SEMA4G: variants seen among roughly 807,000 people sequenced by gnomAD.
The protein encoded by SEMA4G is semaphorin 4G.
In SEMA4G, 59 loss-of-function variants were observed where a neutral mutation model predicts 81.2. The observed-to-expected ratio is 0.73, with a 90% CI of 0.59 to 0.90. The LOEUF is 0.90. SEMA4G is among the 40% of genes least tolerant of loss of function. The probability of loss-of-function intolerance (pLI) is 0.00; values close to 1 mark genes in which losing one functional copy is unlikely to be tolerated. For missense variants in SEMA4G, 952 were observed against 1,102.3 expected, an observed-to-expected ratio of 0.86 and a Z score of 1.93; for synonymous variants, 404 against 433.9, an observed-to-expected ratio of 0.93 and a Z score of 0.86.
In SEMA4G at chr10:100,983,427, G is replaced by A. The variant is rs137971825; in HGVS notation, c.1813G>A (p.Asp605Asn). 4 of 1,613,612 alleles carry A rather than the reference G, an allele frequency of 2.5e-6. No homozygotes were observed. The highest frequency in any genetic ancestry group is 3.4e-6 in the Non-Finnish European group (4 of 1,179,858). Reference sequence around the variant, plus strand: ...ACTCAATGGGAGCATGGGCCTGAGCGATGGGCAGGGTGGCTACCGTGTGGG... The same window carrying A: ...ACTCAATGGGAGCATGGGCCTGAGCAATGGGCAGGGTGGCTACCGTGTGGG... The change falls in exon 14 of 14, where the codon GAT (aspartate) becomes AAT (asparagine). Residue 605 changes from aspartate (D) to asparagine (N), a missense_variant. By Grantham distance (23) the Asp-to-Asn change is conservative. Around this residue, in one of 3 missense-constraint regions of SEMA4G, gnomAD observed 385 missense variants for 413.5 expected, o/e 0.93. Coordinates refer to ENST00000370250, the Ensembl canonical transcript of SEMA4G.
chr10:100,975,196 G>A, intron 3 of SEMA4G: 1 of 369,556 alleles, frequency 2.7e-6, no homozygotes, highest in Non-Finnish European at 5.4e-6. Flanking sequence ...TGATACTTTA[G>A]AGGCTCTAAC....
chr10:100,985,003 G>A, downstream of SEMA4G: 1 of 1,232,862 alleles, frequency 8.1e-7, no homozygotes, highest in South Asian at 1.6e-5. Flanking sequence ...CTCCCTTGCT[G>A]TCTTGGACCT....
exon 11 of SEMA4G, chr10:100,980,607 C>G (rs781235374): frequency 1.9e-6 from 3 of 1,614,202 alleles, no homozygotes; most frequent in Non-Finnish European, 2.5e-6. Context: ...GGCCGTAGTC[C>G]TGGGCTCTGG....
exon 5 of SEMA4G, chr10:100,978,347 G>A (rs758664453): frequency 4.8e-5 from 77 of 1,613,626 alleles, no homozygotes; most frequent in Non-Finnish European, 6.4e-5. Flanking sequence ...AAGGAGAAGT[G>A]TCCTTATGAC....
Position 100,983,287 on chromosome 10 carries a change from C to G in SEMA4G, c.1691-18C>G, listed in dbSNP as rs772048733. On this transcript the variant is annotated intron_variant, in intron 13 of 13. Transcript: ENST00000370250. ...TCCTGGGACGGGCTGGTACTGACCT[C>G]TCCCCCAAACCCCACAGGGCCACCA... 7 of 1,509,846 alleles carry G rather than the reference C, an allele frequency of 4.6e-6. No individual in the cohort carries two copies. The highest frequency in any genetic ancestry group is 5.3e-6 in the Non-Finnish European group (6 of 1,124,772). 93.5% of individuals were successfully genotyped at this position (1,509,846 alleles called of 1,614,324 possible).
chr10:100,984,228 C>T, exon 14 of SEMA4G: 1 of 1,473,836 alleles, frequency 6.8e-7, no homozygotes. Flanking sequence ...TTCATTACCC[C>T]CACTCCATAC....
At chr10:100,980,767 T>C in intron 11 of SEMA4G, 55 bp from the exon 13 acceptor site, 1 of 1,603,032 alleles carries the variant, frequency 6.2e-7, no homozygotes, top group East Asian at 2.2e-5. Context: ...GGGCAGAGGC[T>C]GTGTATCTGT....
chr10:100,970,282 G>A (rs1850593213), upstream of SEMA4G, among the ~76,000 whole-genome samples: 1 of 152,056 alleles, frequency 6.6e-6, no homozygotes, highest in Non-Finnish European at 1.5e-5. Context: ...GAAGGGAGGG[G>A]TGATATGCTC....
chr10:100,972,853 C>A, exon 1 of SEMA4G: 1 of 1,557,358 alleles, frequency 6.4e-7, no homozygotes, highest in South Asian at 1.2e-5. Flanking sequence ...TTCCCCGCCC[C>A]CACAACCTGT....
chr10:100,977,188 C>T (rs1029819369), intron 3 of SEMA4G, among the ~76,000 whole-genome samples: 2 of 152,170 alleles, frequency 1.3e-5, no homozygotes, highest in African/African-American at 2.4e-5. Flanking sequence ...GAGTTTGAAA[C>T]ATCCCTGGGA....
chr10:100,982,876 G>A (rs2133898576), intron 13 of SEMA4G, among the ~76,000 whole-genome samples: 1 of 152,340 alleles, frequency 6.6e-6, no homozygotes, highest in South Asian at 2.1e-4. Context: ...TGTGGCTGGT[G>A]GTGCCATTCA....
At position 100,975,822 on chromosome 10, in the gene SEMA4G, C is replaced by T. The variant is rs868427109; in HGVS notation, c.337-1810C>T. 5.3e-5 allele frequency among the ~76,000 whole-genome samples: 8 copies of T among 152,196 alleles called. No individual in the cohort carries two copies. In the Middle Eastern group the frequency reaches 0.01, roughly 194 times the overall value. Reference sequence around the variant, plus strand: ...GGCTGAGGCAGGAGAATCTCTTGAACCCGGGAGGCGGAGGTTGCAGTGAGC... The same window carrying T: ...GGCTGAGGCAGGAGAATCTCTTGAATCCGGGAGGCGGAGGTTGCAGTGAGC... On this transcript the variant is annotated intron_variant, in intron 3 of 13. Transcript: ENST00000370250.
chr10:100,983,260 CT>C, intron 13 of SEMA4G, 44 bp from the exon 15 acceptor site: 3 of 1,472,048 alleles, frequency 2.0e-6, no homozygotes, highest in Non-Finnish European at 2.7e-6. Context: ...TCTCTAATCC[CT>C]TCCTGGGACG....
Position 100,980,113 on chromosome 10 carries a change from C to G in SEMA4G, c.1129-9C>G. The G allele has an allele frequency of 1.1e-5, 18 of 1,614,100 alleles. No homozygotes were observed. The highest frequency in any genetic ancestry group is 1.5e-5 in the Non-Finnish European group (18 of 1,179,936). ...TCCCGAGGTTCACCACCTTCGTCCC[C>G]CACGCCAGTGTATCACAGATTCATT... On this transcript the variant is annotated splice_polypyrimidine_tract_variant and intron_variant, in intron 9 of 13. Transcript: ENST00000370250.
At position 100,973,464 on chromosome 10, in the gene SEMA4G, A is replaced by T. The variant is rs912078961; in HGVS notation, c.274-83A>T. ...ATTGATCCCCACCCCAATTTCCCCA[A>T]CTCTGTGGGGTCCTATTGCCTGGTC... On this transcript the variant is annotated intron_variant, in intron 2 of 13. Transcript: ENST00000370250. The surrounding 1 kb of genome is among the most constrained non-coding windows in gnomAD (Gnocchi z 5.5). The T allele has an allele frequency of 3.4e-6, 5 of 1,488,950 alleles. No individual in the cohort carries two copies. The highest frequency in any genetic ancestry group is 4.7e-6 in the Non-Finnish European group (5 of 1,074,584). The allele number at this position is 1,488,950 out of a possible 1,614,324, so 92.2% of individuals were successfully genotyped here.
chr10:100,984,415 A>G (rs543028700), exon 14 of SEMA4G: 2 of 1,469,622 alleles, frequency 1.4e-6, no homozygotes, highest in African/African-American at 1.4e-5. Context: ...CCTATCCCCT[A>G]ACCTAAACAC....
At chr10:100,980,839 G>A in exon 12 of SEMA4G, 1 of 1,579,584 alleles carries the variant, frequency 6.3e-7, no homozygotes, top group South Asian at 1.2e-5. Context: ...TCTATGTGGG[G>A]GCTCCTAGCG....
upstream of SEMA4G, chr10:100,969,539 G>T: frequency 6.3e-6 from 1 of 157,940 alleles, no homozygotes; most frequent in Non-Finnish European, 1.4e-5. Context: ...TGGTGCTGTG[G>T]GGCCGCGGAG....
chr10:100,979,632 C>T (rs1473528289), intron 8 of SEMA4G, among the ~76,000 whole-genome samples: 1 of 152,116 alleles, frequency 6.6e-6, no homozygotes, highest in Non-Finnish European at 1.5e-5. Flanking sequence ...CTGCTCGCCT[C>T]GGCCTCTCAA....
Sources: allele counts gnomAD v4.1 joint callset (sites outside exome capture counted in the v4.1 genomes callset), GRCh38; gene constraint gnomAD v4.1.1; regional missense constraint gnomAD v4.1.1; non-coding constraint Gnocchi (gnomAD v3.1); transcripts MANE v1.5; gene names NCBI Gene and HGNC (gene_info 2026-07-23, HGNC 2026-07-21).